Variants in PTPRG observed in about 807,000 individuals in gnomAD.
The protein encoded by PTPRG is receptor-type tyrosine-protein phosphatase gamma.
Under a neutral mutation model 165.3 loss-of-function variants are expected in PTPRG, and 102 were observed. The ratio of observed to expected loss-of-function variants is 0.62; its 90% CI spans 0.53 to 0.73. PTPRG has a LOEUF of 0.73. PTPRG is among the 30% of genes least tolerant of loss of function. The pLI is 0.00. For synonymous variants in PTPRG, 675 were observed against 669.5 expected (o/e 1.01, Z -0.13); for missense variants, 1,866 against 1,861.4 (o/e 1.00, Z -0.05).
intron 4 of PTPRG, among the ~76,000 whole-genome samples, chr3:62,044,801 T>C (rs996145619): frequency 1.3e-5 from 2 of 152,176 alleles, no homozygotes; most frequent in Non-Finnish European, 2.9e-5. Context: ...TTTTCACCCA[T>C]TGGAATTAAT....
At chr3:61,640,803 T>C (rs1431987007) in intron 1 of PTPRG, among the ~76,000 whole-genome samples, 1 of 152,246 alleles carries the variant, frequency 6.6e-6, no homozygotes, top group East Asian at 1.9e-4. Flanking sequence ...CTACTTCTGG[T>C]TTCTTCTTGG....
chr3:61,946,841 C>G (rs2039771733), intron 2 of PTPRG, among the ~76,000 whole-genome samples: 2 of 152,136 alleles, frequency 1.3e-5, no homozygotes, highest in African/African-American at 4.8e-5. Context: ...GTTAGAGCTC[C>G]TTACGGTATC....
At chr3:61,632,088 T>C (rs771455864) in intron 1 of PTPRG, among the ~76,000 whole-genome samples, 1 of 152,178 alleles carries the variant, frequency 6.6e-6, no homozygotes, top group Non-Finnish European at 1.5e-5. Context: ...GCAGATTGCT[T>C]GAACCCAGGA....
chr3:62,176,423 T>C (rs989371160), intron 8 of PTPRG, among the ~76,000 whole-genome samples: 1 of 152,182 alleles, frequency 6.6e-6, no homozygotes, highest in Admixed American at 6.5e-5. Flanking sequence ...AAACGCAATA[T>C]TTCCATCATC....
At chr3:62,092,577 C>A (rs535718631) in intron 5 of PTPRG, among the ~76,000 whole-genome samples, 1 of 152,008 alleles carries the variant, frequency 6.6e-6, no homozygotes, top group East Asian at 1.9e-4. Flanking sequence ...GACTCTAAAT[C>A]CAGATTGCTC....
intron 1 of PTPRG, among the ~76,000 whole-genome samples, chr3:61,633,383 A>G (rs1701819654): frequency 6.6e-6 from 1 of 152,244 alleles, no homozygotes; most frequent in African/African-American, 2.4e-5. Flanking sequence ...AGAGCCAGAA[A>G]TGAAAGTCAT....
At chr3:62,270,367 G>T (rs1430011069) in intron 20 of PTPRG, among the ~76,000 whole-genome samples, 1 of 152,086 alleles carries the variant, frequency 6.6e-6, no homozygotes, top group African/African-American at 2.4e-5. Flanking sequence ...CAAAATGGCA[G>T]AAATAACATG....
chr3:61,900,328 A>G (rs2107519598), intron 2 of PTPRG, among the ~76,000 whole-genome samples: 1 of 152,370 alleles, frequency 6.6e-6, no homozygotes, highest in Non-Finnish European at 1.5e-5. Flanking sequence ...TTTAATTAGA[A>G]AAATAAATGA....
At chr3:61,600,184 A>ATGTGTGTGTGTG (rs1475629585) in intron 1 of PTPRG, among the ~76,000 whole-genome samples, 11 of 97,362 alleles carry the variant, frequency 1.1e-4, no homozygotes, top group Non-Finnish European at 2.5e-4. Context: ...ATATATATAT[A>ATGTGTGTGTGTG]TATATATATG....
At chr3:62,234,814 T>C (rs960983239) in intron 14 of PTPRG, among the ~76,000 whole-genome samples, 13 of 152,174 alleles carry the variant, frequency 8.5e-5, no homozygotes, top group African/African-American at 3.1e-4. Flanking sequence ...TTTTGAGTTT[T>C]CTTTTAAAAG....
chr3:61,817,252 T>C (rs1403571306), intron 2 of PTPRG, among the ~76,000 whole-genome samples: 1 of 142,206 alleles, frequency 7.0e-6, no homozygotes, highest in African/African-American at 2.6e-5. Flanking sequence ...GTTGGGAATC[T>C]CCATCAAAAG....
intron 2 of PTPRG, among the ~76,000 whole-genome samples, chr3:61,833,457 G>C (rs2036366755): frequency 6.6e-6 from 1 of 152,148 alleles, no homozygotes; most frequent in Non-Finnish European, 1.5e-5. Flanking sequence ...ACCTAAGCGA[G>C]AGTCCCTGCG....
intron 2 of PTPRG, among the ~76,000 whole-genome samples, chr3:61,802,569 T>C (rs2035281754): frequency 6.6e-6 from 1 of 152,250 alleles, no homozygotes; most frequent in Non-Finnish European, 1.5e-5. Flanking sequence ...ATCATTAGGA[T>C]AACTGTATGC....
chr3:61,853,053 GA>G (rs2107371389), intron 2 of PTPRG, among the ~76,000 whole-genome samples: 1 of 152,300 alleles, frequency 6.6e-6, no homozygotes, highest in Admixed American at 6.5e-5. Context: ...ACATGCAGGG[GA>G]TAGGATAGTG....
At chr3:62,133,785 G>C (rs963058663) in intron 6 of PTPRG, among the ~76,000 whole-genome samples, 8 of 152,114 alleles carry the variant, frequency 5.3e-5, no homozygotes, top group African/African-American at 9.7e-5. Context: ...GAGAGTTTGA[G>C]ACCAGCCTGG....
chr3:61,818,085 T>G (rs1232416774), intron 2 of PTPRG, among the ~76,000 whole-genome samples: 1 of 152,040 alleles, frequency 6.6e-6, no homozygotes, highest in Non-Finnish European at 1.5e-5. Context: ...CTAGAAAAGC[T>G]CCACCATACC....
chr3:61,661,034 T>G (rs1318465387), intron 1 of PTPRG, among the ~76,000 whole-genome samples: 1 of 152,060 alleles, frequency 6.6e-6, no homozygotes, highest in Admixed American at 6.6e-5. Flanking sequence ...TTTAATACAT[T>G]AAACAGGTTT....
rs142186218 is a variant in PTPRG, at chr3:62,212,036, G to T, written c.2156-6815G>T. ...TTCTGCTGGGTGCTGAAATAAAGACGGAGAGAAAGAAAGGCTGTACGGAGA... is the reference window on the plus strand; with the variant it reads ...TTCTGCTGGGTGCTGAAATAAAGACTGAGAGAAAGAAAGGCTGTACGGAGA... On this transcript the variant is annotated intron_variant, in intron 12 of 29. Coordinates refer to ENST00000474889, the MANE Select transcript of PTPRG (RefSeq NM_002841.4). Among the ~76,000 whole-genome samples, 571 of 151,878 alleles carry T rather than the reference G, an allele frequency of 3.8e-3. 1 individual carries two copies. Among genetic ancestry groups the T allele is most frequent in the Non-Finnish European group, 6.5e-3 (443 of 67,934 alleles).
intron 9 of PTPRG, among the ~76,000 whole-genome samples, chr3:62,194,268 C>G (rs773848939): frequency 2.0e-5 from 3 of 152,188 alleles, no homozygotes; most frequent in Non-Finnish European, 2.9e-5. Context: ...GGCATTCTTT[C>G]TGTTGCTCGG....
Sources: gnomAD v4.1 joint callset for allele counts (sites outside exome capture counted in the v4.1 genomes callset) on GRCh38, gnomAD v4.1.1 for gene constraint, MANE v1.5 for transcripts, NCBI Gene and HGNC (gene_info 2026-07-23, HGNC 2026-07-21) for gene names.